The following TNFRSF1B variants were observed in gnomAD, a reference collection of about 807,000 sequenced individuals.
TNFRSF1B encodes TNF receptor superfamily member 1B.
TNFRSF1B carries 19 observed loss-of-function variants against 44.6 expected under a neutral mutation model. The ratio of observed to expected loss-of-function variants is 0.43; its 90% CI spans 0.30 to 0.62. The LOEUF (loss-of-function observed/expected upper bound fraction) is 0.62. TNFRSF1B is among the 20% of genes least tolerant of loss of function. The probability of loss-of-function intolerance (pLI) is 0.16; values close to 1 mark genes in which losing one functional copy is unlikely to be tolerated. For synonymous variants in TNFRSF1B, 252 were observed against 261.1 expected (o/e 0.97, Z 0.34); for missense variants, 541 against 619.9 (o/e 0.87, Z 1.35).
rs1399616100 is a variant in TNFRSF1B, at chr1:12,187,154, C to T, written c.79-1642C>T. On this transcript the variant is annotated intron_variant, in intron 1 of 9. Transcript: ENST00000376259. The surrounding 1 kb of genome is among the most constrained non-coding windows in gnomAD (Gnocchi z 5.5). ...CCTTTGCTTTTCTCTTTTCTCCCCT[C>T]TTTTTTTTTTTTTTTCGAGATGGAG... Among the ~76,000 whole-genome samples the T allele has an allele frequency of 2.8e-5, 4 of 140,830 alleles. No individual in the cohort carries two copies. The highest frequency in any genetic ancestry group is 1.0e-4 in the African/African-American group (4 of 38,476). The allele number at this position is 140,830 out of a possible 152,430, so 92.4% of individuals were successfully genotyped here.
rs951564814 is a variant in TNFRSF1B, at chr1:12,199,627, C to G, written c.901-2340C>G. 6.6e-6 allele frequency among the ~76,000 whole-genome samples: 1 copy of G among 152,134 alleles called. No homozygotes were observed. The highest frequency in any genetic ancestry group is 1.5e-5 in the Non-Finnish European group (1 of 68,012). The stretch of plus-strand genomic sequence containing the variant: ...CTGCAGGGATTGGACAGAGAGGACC[C>G]TGGTACTCGCATCTGTTCTCAGACC... On this transcript the variant is annotated intron_variant, in intron 8 of 9. Coordinates refer to ENST00000376259, the MANE Select transcript of TNFRSF1B (RefSeq NM_001066.3). The surrounding 1 kb of genome is among the most constrained non-coding windows in gnomAD (Gnocchi z 4.0).
chr1:12,200,135 A>G (rs1449895719), intron 8 of TNFRSF1B, among the ~76,000 whole-genome samples: 1 of 152,114 alleles, frequency 6.6e-6, no homozygotes, highest in Non-Finnish European at 1.5e-5. Context: ...AAGTAACTCA[A>G]TCTCTCCGTG....
At chr1:12,172,564 C>A (rs1638545973) in intron 1 of TNFRSF1B, among the ~76,000 whole-genome samples, 1 of 152,204 alleles carries the variant, frequency 6.6e-6, no homozygotes, top group Non-Finnish European at 1.5e-5. Context: ...TGCTCTGAGC[C>A]CCAGGGCCCT....
intron 5 of TNFRSF1B, 51 bp downstream of exon 5, chr1:12,192,575 G>T: frequency 6.5e-7 from 1 of 1,539,918 alleles, no homozygotes; most frequent in Non-Finnish European, 9.0e-7. Flanking sequence ...GGCTGTCCCT[G>T]GGTGACTGTG....
intron 1 of TNFRSF1B, among the ~76,000 whole-genome samples, chr1:12,179,054 C>G (rs1275750501): frequency 2.6e-5 from 4 of 152,172 alleles, no homozygotes. Context: ...TGGGGCGTCT[C>G]TCATTAGACT....
At position 12,177,794 on chromosome 1, in the gene TNFRSF1B, CAAA is replaced by C. The variant is rs113097991; in HGVS notation, c.78+10639_78+10641del. Among the ~76,000 whole-genome samples the C allele has an allele frequency of 7.2e-5, 8 of 111,358 alleles. No individual in the cohort carries two copies. The highest frequency in any genetic ancestry group is 9.2e-5 in the Admixed American group (1 of 10,910). 73.1% of individuals were successfully genotyped at this position (111,358 alleles called of 152,430 possible). A position where few individuals can be genotyped will look rare whatever the true frequency, so the allele number is the denominator to read the frequency against. On this transcript the variant is annotated intron_variant, in intron 1 of 9. Coordinates refer to ENST00000376259, the MANE Select transcript of TNFRSF1B (RefSeq NM_001066.3). This position sits in a 1 kb window ranked among gnomAD's most constrained non-coding sequence, Gnocchi z 4.3. ...GGGTGACAGGGTGAGATTCTGTCTCCAAAAAAAAAAAAAAAAGAAGAGCTGACA... is the reference window on the plus strand; with the variant it reads ...GGGTGACAGGGTGAGATTCTGTCTCCAAAAAAAAAAAAAGAAGAGCTGACA...
In TNFRSF1B at chr1:12,180,257, C is replaced by T. The variant is rs957775084; in HGVS notation, c.79-8539C>T. ...CCAGTCTGGACAACATAGCAAGACC[C>T]GGTCTCTTTCTATAAATGAAAAAAT... On this transcript the variant is annotated intron_variant, in intron 1 of 9. Coordinates refer to ENST00000376259, the MANE Select transcript of TNFRSF1B (RefSeq NM_001066.3). This position sits in a 1 kb window ranked among gnomAD's most constrained non-coding sequence, Gnocchi z 4.3. Among the ~76,000 whole-genome samples the T allele has an allele frequency of 1.4e-4, 21 of 152,146 alleles. 1 individual carries two copies. The highest frequency in any genetic ancestry group is 6.2e-4 in the South Asian group (3 of 4,836).
intron 1 of TNFRSF1B, among the ~76,000 whole-genome samples, chr1:12,181,762 C>T (rs1045343760): frequency 2.6e-5 from 4 of 152,182 alleles, no homozygotes; most frequent in African/African-American, 9.7e-5. Context: ...GCTAATCCAC[C>T]CTCTGCTCTC....
At chr1:12,195,368 C>G (rs983100758) in intron 8 of TNFRSF1B, among the ~76,000 whole-genome samples, 1 of 152,172 alleles carries the variant, frequency 6.6e-6, no homozygotes, top group East Asian at 1.9e-4. Context: ...TTGGTGTCTG[C>G]TGGAATGGCC....
At chr1:12,202,731 T>C (rs533839588) in intron 9 of TNFRSF1B, among the ~76,000 whole-genome samples, 138 of 152,342 alleles carry the variant, frequency 9.1e-4, no homozygotes, top group African/African-American at 3.2e-3. Flanking sequence ...TGCATGTCAA[T>C]GCTAAGAGAT....
At position 12,199,896 on chromosome 1, in the gene TNFRSF1B, G is replaced by T. The variant is rs1263197849; in HGVS notation, c.901-2071G>T. Among the ~76,000 whole-genome samples the T allele has an allele frequency of 6.6e-6, 1 of 152,122 alleles. No homozygotes were observed. The highest frequency in any genetic ancestry group is 1.5e-5 in the Non-Finnish European group (1 of 68,024). On this transcript the variant is annotated intron_variant, in intron 8 of 9. Transcript: ENST00000376259. The surrounding 1 kb of genome is among the most constrained non-coding windows in gnomAD (Gnocchi z 4.0). ...TGTGGCCTGTGCCATCTCCTTTTTT[G>T]CTGGGATCAGAAAACAATCGCTTAG...
rs1020494602 is a variant in TNFRSF1B, at chr1:12,167,201, C to T, written c.78+32C>T. ...GACTCGCGCGGCCCACGGGGGACAG[C>T]CGCCCCGCATGTCCACCCGGCTGGT... is the stretch of plus-strand genomic sequence containing the variant. On this transcript the variant is annotated intron_variant, in intron 1 of 9. Coordinates refer to ENST00000376259, the MANE Select transcript of TNFRSF1B (RefSeq NM_001066.3). 5.6e-6 allele frequency: 7 copies of T among 1,241,882 alleles called. No individual in the cohort carries two copies. In the African/African-American group the frequency reaches 6.3e-5, roughly 11 times the overall value. The allele number at this position is 1,241,882 out of a possible 1,614,324, so 76.9% of individuals were successfully genotyped here. A position where few individuals can be genotyped will look rare whatever the true frequency, so the allele number is the denominator to read the frequency against.
At chr1:12,167,535 T>C in intron 1 of TNFRSF1B, 1 of 396,212 alleles carries the variant, frequency 2.5e-6, no homozygotes, top group South Asian at 2.1e-5. Flanking sequence ...CCCCGGCGAC[T>C]GCCGCGACAG....
At chr1:12,205,296 G>A (rs1394273691) in intron 9 of TNFRSF1B, among the ~76,000 whole-genome samples, 1 of 152,126 alleles carries the variant, frequency 6.6e-6, no homozygotes, top group African/African-American at 2.4e-5. Context: ...GGCTCAAGGG[G>A]CTGTAGCAGG....
chr1:12,181,149 CTT>C (rs981617948), intron 1 of TNFRSF1B, among the ~76,000 whole-genome samples: 10 of 152,286 alleles, frequency 6.6e-5, no homozygotes, highest in Non-Finnish European at 1.3e-4. Context: ...CTTCCCCACA[CTT>C]ACCCTGGAGG....
chr1:12,181,417 C>T (rs1424385785), intron 1 of TNFRSF1B, among the ~76,000 whole-genome samples: 1 of 152,086 alleles, frequency 6.6e-6, no homozygotes, highest in Non-Finnish European at 1.5e-5. Context: ...TCCCCAGGGG[C>T]CTTTGCTCCT....
intron 1 of TNFRSF1B, among the ~76,000 whole-genome samples, chr1:12,170,541 C>T (rs763863054): frequency 3.9e-5 from 6 of 152,230 alleles, no homozygotes; most frequent in Admixed American, 2.0e-4. Context: ...GGCTGGGTGA[C>T]GCTTTATGGT....
Position 12,167,152 on chromosome 1 carries a change from C to G in TNFRSF1B, c.61C>G (p.His21Asp). Residue 21 changes from histidine (H) to aspartate (D), a missense_variant, in exon 1 of 10, where the codon CAC becomes GAC. His to Asp is a moderately conservative substitution (Grantham distance 81). Transcript: ENST00000376259. ...AVGLELWAAA[H>D]ALPAQVAFTP... Reference sequence around the variant, plus strand: ...CGGACTGGAGCTCTGGGCTGCGGCGCACGCCTTGCCCGCCCAGGTGGGTGA... The same window carrying G: ...CGGACTGGAGCTCTGGGCTGCGGCGGACGCCTTGCCCGCCCAGGTGGGTGA... The G allele has an allele frequency of 7.7e-7, 1 of 1,299,718 alleles. No homozygotes were observed. The highest frequency in any genetic ancestry group is 9.8e-7 in the Non-Finnish European group (1 of 1,021,292). 80.5% of individuals were successfully genotyped at this position (1,299,718 alleles called of 1,614,324 possible).
intron 9 of TNFRSF1B, among the ~76,000 whole-genome samples, chr1:12,203,907 T>C (rs1262576559): frequency 6.6e-6 from 1 of 152,204 alleles, no homozygotes. Flanking sequence ...CTTTTGTACT[T>C]TTAGTAGAGA....
Sources: gnomAD v4.1 joint callset for allele counts (sites outside exome capture counted in the v4.1 genomes callset) on GRCh38, gnomAD v4.1.1 for gene constraint, Gnocchi (gnomAD v3.1) non-coding constraint, MANE v1.5 for transcripts, NCBI Gene and HGNC (gene_info 2026-07-23, HGNC 2026-07-21) for gene names.